The following NTNG2 variants were observed in gnomAD, a reference collection of about 807,000 sequenced individuals.
NTNG2 encodes netrin-G2.
NTNG2 carries 15 observed loss-of-function variants against 47.6 expected under a neutral mutation model. The ratio of observed to expected loss-of-function variants is 0.32; its 90% CI spans 0.21 to 0.49. The LOEUF is 0.49. NTNG2 is among the 20% of genes least tolerant of loss of function. The probability of loss-of-function intolerance (pLI) is 0.99; values close to 1 mark genes in which losing one functional copy is unlikely to be tolerated. For synonymous variants in NTNG2, 307 were observed against 324.6 expected (o/e 0.95, Z 0.58); for missense variants, 578 against 764.6 (o/e 0.76, Z 2.88).
rs1002148582 is a variant in NTNG2, at chr9:132,197,343, C to G, written c.214-623C>G. ...GGTGGAGGTTGCTGTGAGCCGAGAT[C>G]GCCCCACTGCACTCCATCCTGGGAA... On this transcript the variant is annotated intron_variant, in intron 2 of 7. Transcript: ENST00000393229. The surrounding 1 kb of genome is among the most constrained non-coding windows in gnomAD (Gnocchi z 4.3). 1.3e-5 allele frequency among the ~76,000 whole-genome samples: 2 copies of G among 152,070 alleles called. No homozygotes were observed. Among genetic ancestry groups the G allele is most frequent in the East Asian group, 3.9e-4 (2 of 5,192 alleles).
intron 3 of NTNG2, among the ~76,000 whole-genome samples, chr9:132,209,410 C>T (rs529670008): frequency 3.9e-5 from 6 of 152,310 alleles, no homozygotes; most frequent in Non-Finnish European, 5.9e-5. Flanking sequence ...TCCGCGGTGA[C>T]GATGACGCCC....
chr9:132,186,865 A>C (rs1291112333), intron 2 of NTNG2, among the ~76,000 whole-genome samples: 1 of 152,242 alleles, frequency 6.6e-6, no homozygotes, highest in Non-Finnish European at 1.5e-5. Flanking sequence ...CGCTGTGTGC[A>C]AACAGCTGTT....
chr9:132,213,965 CT>C (rs1177464992), intron 3 of NTNG2, among the ~76,000 whole-genome samples: 2 of 152,208 alleles, frequency 1.3e-5, no homozygotes, highest in African/African-American at 4.8e-5. Flanking sequence ...AAGTTGGGGA[CT>C]AGCTCTCCCA....
Position 132,166,628 on chromosome 9 carries a change from T to C in NTNG2, c.-204T>C, listed in dbSNP as rs1482343293. ...TGTCCATCAGCAGTCTGAGAAACGC[T>C]GGCTCTGAATTTTCCGTGTCGGCCT... is the stretch of plus-strand genomic sequence containing the variant. On this transcript the variant is annotated 5_prime_UTR_variant, in exon 2 of 8. Transcript: ENST00000393229. 9 of 595,938 alleles carry C rather than the reference T, an allele frequency of 1.5e-5. No individual in the cohort carries two copies. The East Asian group carries it at 2.5e-4, about 17-fold the overall frequency. The allele number at this position is 595,938 out of a possible 1,614,324, so 36.9% of individuals were successfully genotyped here. A position where few individuals can be genotyped will look rare whatever the true frequency, so the allele number is the denominator to read the frequency against.
At chr9:132,220,415 T>G (rs921585882) in intron 3 of NTNG2, among the ~76,000 whole-genome samples, 7 of 152,068 alleles carry the variant, frequency 4.6e-5, no homozygotes, top group African/African-American at 1.7e-4. Flanking sequence ...TAAGAAACCA[T>G]TGCTTAATTC....
At chr9:132,190,342 A>T (rs891052499) in intron 2 of NTNG2, among the ~76,000 whole-genome samples, 10 of 145,882 alleles carry the variant, frequency 6.9e-5, no homozygotes, top group Non-Finnish European at 1.0e-4. Flanking sequence ...GGAGCTGGGG[A>T]GCTGCTGAGG....
intron 2 of NTNG2, among the ~76,000 whole-genome samples, chr9:132,171,554 A>G (rs1835912550): frequency 6.6e-6 from 1 of 152,200 alleles, no homozygotes; most frequent in South Asian, 2.1e-4. Flanking sequence ...CAGGCTGTGA[A>G]CGTGCATCTT....
rs1287095820 is a variant in NTNG2 at position 132,243,456 on chromosome 9, C to T, written c.*1345C>T. On this transcript the variant is annotated 3_prime_UTR_variant, in exon 8 of 8. Transcript: ENST00000393229. The stretch of plus-strand genomic sequence containing the variant: ...TGAGGAAGCTCCTAGATTCGGGGCT[C>T]ATCCCCTGGGGCCTCTGATTCAGAG... The T allele has an allele frequency of 1.3e-5, 2 of 152,250 alleles. No individual in the cohort carries two copies. Among genetic ancestry groups the T allele is most frequent in the African/African-American group, 2.4e-5 (1 of 41,432 alleles). The allele number at this position is 152,250 out of a possible 1,614,324, so 9.4% of individuals were successfully genotyped here. A position where few individuals can be genotyped will look rare whatever the true frequency, so the allele number is the denominator to read the frequency against.
In NTNG2 at chr9:132,221,654, C is replaced by A. The variant is rs1021554758; in HGVS notation, c.858-5195C>A. On this transcript the variant is annotated intron_variant, in intron 3 of 7. Transcript: ENST00000393229. This position sits in a 1 kb window ranked among gnomAD's most constrained non-coding sequence, Gnocchi z 4.2. ...AGGCCGGGACATCTTCTCCTGTTCC[C>A]GAGGAAGACAGGACTGATAGGAGGG... Among the ~76,000 whole-genome samples the A allele has an allele frequency of 6.6e-6, 1 of 152,104 alleles. No homozygotes were observed.
intron 6 of NTNG2, among the ~76,000 whole-genome samples, chr9:132,239,804 G>A (rs1467552529): frequency 6.6e-6 from 1 of 152,272 alleles, no homozygotes; most frequent in Non-Finnish European, 1.5e-5. Context: ...CAAATTGGGA[G>A]GCAGATCAGA....
Position 132,163,394 on chromosome 9 carries a change from G to A in NTNG2, c.-484+1155G>A, listed in dbSNP as rs2131239872. ...GGCGGGGACCCAGGGGCCGGATAAA[G>A]GGCCCGCTCCGGAGCGGGGGGACAC... On this transcript the variant is annotated intron_variant, in intron 1 of 7. Transcript: ENST00000393229. This position sits in a 1 kb window ranked among gnomAD's most constrained non-coding sequence, Gnocchi z 7.2. Among the ~76,000 whole-genome samples the A allele has an allele frequency of 6.6e-6, 1 of 151,310 alleles. No individual in the cohort carries two copies. The highest frequency in any genetic ancestry group is 2.0e-4 in the East Asian group (1 of 5,038).
chr9:132,161,872 C>G (rs1216739966), upstream of NTNG2: 3 of 150,712 alleles, frequency 2.0e-5, no homozygotes, highest in Admixed American at 1.3e-4. The surrounding 1 kb of genome is among the most constrained non-coding windows in gnomAD (Gnocchi z 7.2). Context: ...CGGGGGCTGC[C>G]CGGCGCCCGA....
intron 3 of NTNG2, among the ~76,000 whole-genome samples, chr9:132,206,217 C>A (rs1399072501): frequency 6.6e-6 from 1 of 152,178 alleles, no homozygotes; most frequent in African/African-American, 2.4e-5. Context: ...TTTCAATCAT[C>A]CATGGACTCC....
At chr9:132,174,404 GCT>G (rs1836246814) in intron 2 of NTNG2, among the ~76,000 whole-genome samples, 1 of 152,130 alleles carries the variant, frequency 6.6e-6, no homozygotes, top group Non-Finnish European at 1.5e-5. Flanking sequence ...GCCGCACCAT[GCT>G]GCGGATGAGA....
chr9:132,209,688 T>C (rs969191667), intron 3 of NTNG2, among the ~76,000 whole-genome samples: 9 of 151,786 alleles, frequency 5.9e-5, no homozygotes, highest in African/African-American at 2.2e-4. Context: ...CGTCGTGGGG[T>C]GGTTTCAGGG....
chr9:132,176,275 A>G (rs1836446661), intron 2 of NTNG2, among the ~76,000 whole-genome samples: 1 of 152,232 alleles, frequency 6.6e-6, no homozygotes, highest in Admixed American at 6.5e-5. Flanking sequence ...ATGTTGTGCA[A>G]CCAGCATCTC....
In NTNG2 at chr9:132,180,739, A is replaced by T. The variant is rs948551963; in HGVS notation, c.213+13695A>T. Among the ~76,000 whole-genome samples, 8 of 152,256 alleles carry T rather than the reference A, an allele frequency of 5.3e-5. No homozygotes were observed. Among genetic ancestry groups the T allele is most frequent in the African/African-American group, 1.9e-4 (8 of 41,470 alleles). On this transcript the variant is annotated intron_variant, in intron 2 of 7. Transcript: ENST00000393229. This position sits in a 1 kb window ranked among gnomAD's most constrained non-coding sequence, Gnocchi z 4.2. ...TAGAGAGATGCAATAACCTCCCAGC[A>T]TCCAGGAAGACCCAGAGGGGAGAAA...
rs971487315 is a variant in NTNG2 at position 132,221,214 on chromosome 9, G to A, written c.858-5635G>A. 6.6e-6 allele frequency among the ~76,000 whole-genome samples: 1 copy of A among 152,176 alleles called. No individual in the cohort carries two copies. The highest frequency in any genetic ancestry group is 1.5e-5 in the Non-Finnish European group (1 of 68,036). ...CACCACCTCTAAATATTAGCTCTAG[G>A]AGAAGGGGCAGAGCCTGTAGTACAT... On this transcript the variant is annotated intron_variant, in intron 3 of 7. Coordinates refer to ENST00000393229, the MANE Select transcript of NTNG2 (RefSeq NM_032536.4). The surrounding 1 kb of genome is among the most constrained non-coding windows in gnomAD (Gnocchi z 4.2).
At chr9:132,186,030 A>T (rs765834491) in intron 2 of NTNG2, among the ~76,000 whole-genome samples, 9 of 152,204 alleles carry the variant, frequency 5.9e-5, no homozygotes, top group Non-Finnish European at 1.0e-4. Context: ...TTTTCTAATC[A>T]ATTAGAAAGT....
Sources: gnomAD v4.1 joint callset for allele counts (sites outside exome capture counted in the v4.1 genomes callset) on GRCh38, gnomAD v4.1.1 for gene constraint, Gnocchi (gnomAD v3.1) non-coding constraint, MANE v1.5 for transcripts, NCBI Gene and HGNC (gene_info 2026-07-23, HGNC 2026-07-21) for gene names.